BRCA1: variants seen among roughly 807,000 people sequenced by gnomAD.
BRCA1 encodes breast cancer type 1 susceptibility protein.
In BRCA1, 140 loss-of-function variants were observed where a neutral mutation model predicts 173.7. The observed-to-expected ratio is 0.81, with a 90% CI of 0.70 to 0.93. The LOEUF (loss-of-function observed/expected upper bound fraction) is 0.93, where lower values mean the gene tolerates loss of function less well. BRCA1 is among the 40% of genes least tolerant of loss of function. The probability of loss-of-function intolerance (pLI) is 0.00; values close to 1 mark genes in which losing one functional copy is unlikely to be tolerated. For missense variants in BRCA1, 1,983 were observed against 2,172.5 expected (o/e 0.91, Z 1.73); for synonymous variants, 662 against 756.0 (o/e 0.88, Z 2.04).
In BRCA1 at chr17:43,102,739, A is replaced by T. The variant is rs537597375; in HGVS notation, c.441+1383T>A. On this transcript the variant is annotated intron_variant, in intron 6 of 22. Coordinates refer to ENST00000357654, the MANE Select transcript of BRCA1 (RefSeq NM_007294.4). ...GTGATCATAGCTCACTGTAGTCTAC[A>T]TCTCCTGGACTCAAGTGATCCTTCT... Among the ~76,000 whole-genome samples the T allele has an allele frequency of 3.9e-3, 597 of 151,166 alleles. 5 individuals carry two copies. The highest frequency in any genetic ancestry group is 0.014 in the African/African-American group (574 of 41,162).
At position 43,092,310 on chromosome 17, in the gene BRCA1, C is replaced by G. The variant is rs786202155; in HGVS notation, c.3221G>C (p.Arg1074Thr). ...AGCATTCAATTTTGGCCCTCTGTTT[C>G]TACCTAGTTCTGCTTGAATGTTTTC... Reference protein sequence around the residue: ...SDENIQAELGRNRGPKLNAML... With the variant: ...SDENIQAELGTNRGPKLNAML... The change falls in exon 10 of 23, where the codon AGA becomes ACA. Residue 1074 changes from arginine to threonine, a missense_variant. By Grantham distance (71) the Arg-to-Thr change is moderately conservative. Transcript: ENST00000357654. 9 of 1,613,754 alleles carry G rather than the reference C, an allele frequency of 5.6e-6. No homozygotes were observed. Among genetic ancestry groups the G allele is most frequent in the Non-Finnish European group, 7.6e-6 (9 of 1,180,004 alleles).
chr17:43,071,036 A>G lies in BRCA1; in HGVS notation c.4878T>C (p.Asn1626=), dbSNP rs1373902074. ...AAHTTDTAGY[N]AMEESVSREK... ...CCCTGCTCACACTTTCTTCCATTGC[A>G]TTATACCCAGCAGTATCAGTAGTAT... The change falls in exon 15 of 23, where the codon AAT becomes AAC. Residue 1626 remains asparagine, a synonymous_variant. Transcript: ENST00000357654. The G allele has an allele frequency of 6.2e-7, 1 of 1,614,194 alleles. No homozygotes were observed. Among genetic ancestry groups the G allele is most frequent in the Admixed American group, 1.7e-5 (1 of 60,012 alleles).
intron 2 of BRCA1, among the ~76,000 whole-genome samples, chr17:43,123,349 GTTTTTTTTT>G (rs149379936): frequency 4.7e-5 from 4 of 85,166 alleles, no homozygotes; most frequent in African/African-American, 1.8e-4. Context: ...GATCATCCAT[GTTTTTTTTT>G]TTTTTTTTTT....
At chr17:43,103,846 C>A (rs1205919878) in intron 6 of BRCA1, among the ~76,000 whole-genome samples, 1 of 151,960 alleles carries the variant, frequency 6.6e-6, no homozygotes, top group Non-Finnish European at 1.5e-5. Context: ...GTGGCTCACA[C>A]CTGTAATCCC....
In BRCA1 at chr17:43,124,078, G is replaced by T. The variant is rs80356994; in HGVS notation, c.19C>A (p.Arg7Ser). Residue 7 changes from arginine to serine, a missense_variant, in exon 2 of 23, where the codon CGC becomes AGC. By Grantham distance (110) the Arg-to-Ser change is moderately radical. Coordinates refer to ENST00000357654, the MANE Select transcript of BRCA1 (RefSeq NM_007294.4). MDLSAL[R>S]VEEVQNVINA... The stretch of plus-strand genomic sequence containing the variant: ...ATGACATTTTGTACTTCTTCAACGC[G>T]AAGAGCAGATAAATCCATTTCTTTC... 1.2e-6 allele frequency: 2 copies of T among 1,613,428 alleles called. No individual in the cohort carries two copies. The highest frequency in any genetic ancestry group is 2.2e-5 in the South Asian group (2 of 91,072).
Position 43,106,439 on chromosome 17 carries a change from A to G in BRCA1, c.212+17T>C, listed in dbSNP as rs369461674. 3.9e-6 allele frequency: 6 copies of G among 1,526,274 alleles called. No homozygotes were observed. The highest frequency in any genetic ancestry group is 1.4e-5 in the African/African-American group (1 of 73,126). 94.5% of individuals were successfully genotyped at this position (1,526,274 alleles called of 1,614,324 possible). A position where few individuals can be genotyped will look rare whatever the true frequency, so the allele number is the denominator to read the frequency against. ...CTGTGGTTGCTTCCAACCTAGCATC[A>G]TTACCAAATTATATACCTTTTGGTT... is the stretch of plus-strand genomic sequence containing the variant. On this transcript the variant is annotated intron_variant, in intron 4 of 22. Transcript: ENST00000357654.
rs1131692096 is a variant in BRCA1 at position 43,049,130 on chromosome 17, G to A, written c.5397C>T (p.Thr1799=). The part of the protein sequence containing the change: ...ASVVKELSSF[T]LGTGVHPIVV... ...GGCACCCAATACTTACTGTGCCAAG[G>A]GTGAATGATGAAAGCTCCTTCACCA... The change falls in exon 21 of 23, where the codon ACC becomes ACT. Residue 1799 remains threonine, a synonymous_variant. Transcript: ENST00000357654. 1 of 1,613,966 alleles carries A rather than the reference G, an allele frequency of 6.2e-7. No homozygotes were observed. Among genetic ancestry groups the A allele is most frequent in the Non-Finnish European group, 8.5e-7 (1 of 1,179,888 alleles).
chr17:43,096,248 G>A (rs993621969), intron 8 of BRCA1, among the ~76,000 whole-genome samples: 5 of 151,462 alleles, frequency 3.3e-5, no homozygotes, highest in African/African-American at 9.7e-5. Flanking sequence ...GTGGTGGCGC[G>A]CGCCTGTAGT....
In BRCA1 at chr17:43,082,498, A is replaced by T. The variant is rs1131692074; in HGVS notation, c.4263T>A (p.His1421Gln). 1 of 1,614,198 alleles carries T rather than the reference A, an allele frequency of 6.2e-7. No homozygotes were observed. Among genetic ancestry groups the T allele is most frequent in the East Asian group, 2.2e-5 (1 of 44,890 alleles). The change falls in exon 12 of 23, where the codon CAT (histidine) becomes CAA (glutamine). Residue 1421 changes from histidine to glutamine, a missense_variant. Coordinates refer to ENST00000357654, the MANE Select transcript of BRCA1 (RefSeq NM_007294.4). ...GGTAGCTGTTAGAAGGCTGGCTCCC[A>T]TGCTGTTCTAACACAGCTTCTAGTT... ...MAELEAVLEQ[H>Q]GSQPSNSYPS... is the part of the protein sequence containing the mutation.
intron 1 of BRCA1, chr17:43,131,327 C>T: frequency 2.1e-6 from 1 of 472,634 alleles, no homozygotes; most frequent in Non-Finnish European, 4.2e-6. Context: ...CTTATTTCTC[C>T]AGTGATATGG....
chr17:43,151,860 T>C (rs2056164216), intron 1 of BRCA1, among the ~76,000 whole-genome samples: 2 of 152,354 alleles, frequency 1.3e-5, no homozygotes, highest in South Asian at 4.1e-4. Context: ...TGCACCACTG[T>C]ACCTCAGCCT....
intron 1 of BRCA1, among the ~76,000 whole-genome samples, chr17:43,151,058 CAG>C: frequency 6.6e-6 from 1 of 152,228 alleles, no homozygotes; most frequent in East Asian, 1.9e-4. Flanking sequence ...CTAGGGCCCT[CAG>C]GGCCTTTGCA....
upstream of BRCA1, among the ~76,000 whole-genome samples, chr17:43,128,371 A>G (rs2055934315): frequency 6.8e-6 from 1 of 146,556 alleles, no homozygotes; most frequent in Non-Finnish European, 1.5e-5. Context: ...CGAATCCACC[A>G]GAAGGAGGTA....
intron 2 of BRCA1, among the ~76,000 whole-genome samples, chr17:43,116,877 A>T (rs988162023): frequency 1.3e-5 from 2 of 152,126 alleles, no homozygotes; most frequent in African/African-American, 4.8e-5. Context: ...ATTTATTTTT[A>T]AAATTAGGTC....
chr17:43,119,407 C>G (rs1232479370), intron 2 of BRCA1: 8 of 227,368 alleles, frequency 3.5e-5, no homozygotes, highest in Non-Finnish European at 1.7e-5. Flanking sequence ...AAACAATGAA[C>G]TAAGTCAGGA....
At position 43,092,846 on chromosome 17, in the gene BRCA1, T is replaced by C. The variant is rs1164046546; in HGVS notation, c.2685A>G (p.Gln895=). The change falls in exon 10 of 23, where the codon CAA becomes CAG. Residue 895 remains glutamine, a synonymous_variant. Coordinates refer to ENST00000357654, the MANE Select transcript of BRCA1 (RefSeq NM_007294.4). ...CACATTCAAAAGTGACTTTTGGACT[T>C]TGTTTCTTTAAGGACCCAGAGTGGG... ...FSAHSGSLKK[Q]SPKVTFECEQ... 6.2e-7 allele frequency: 1 copy of C among 1,614,016 alleles called. No individual in the cohort carries two copies. The highest frequency in any genetic ancestry group is 1.1e-5 in the South Asian group (1 of 91,068).
rs1220045136 is a variant in BRCA1, at chr17:43,094,685, T to A, written c.846A>T (p.Ser282=). The A allele has an allele frequency of 1.2e-6, 2 of 1,613,774 alleles. No individual in the cohort carries two copies. The highest frequency in any genetic ancestry group is 1.7e-5 in the Admixed American group (1 of 59,970). The stretch of plus-strand genomic sequence containing the variant: ...ATAAACTGCTGTTCTCATGCTGTAA[T>A]GAGCTGGCATGAGTATTTGTGCCAC... ...EPCGTNTHAS[S]LQHENSSLLL... The change falls in exon 10 of 23, where the codon TCA becomes TCT. Residue 282 remains serine, a synonymous_variant. Transcript: ENST00000357654.
chr17:43,125,973 C>G (rs2055861259), upstream of BRCA1, among the ~76,000 whole-genome samples: 1 of 145,646 alleles, frequency 6.9e-6, no homozygotes, highest in African/African-American at 2.5e-5. Flanking sequence ...TACTTGTCAA[C>G]AGTTATGGAC....
chr17:43,147,440 C>T (rs1414263476), intron 1 of BRCA1, among the ~76,000 whole-genome samples: 1 of 152,112 alleles, frequency 6.6e-6, no homozygotes, highest in Admixed American at 6.5e-5. Context: ...CTGCCCGCCT[C>T]GGCCTCCCAA....
Sources: gnomAD v4.1 joint callset for allele counts (sites outside exome capture counted in the v4.1 genomes callset) on GRCh38, gnomAD v4.1.1 for gene constraint, MANE v1.5 for transcripts, NCBI Gene and HGNC (gene_info 2026-07-23, HGNC 2026-07-21) for gene names.